WNT10A: variants seen among roughly 807,000 people sequenced by gnomAD.
WNT10A encodes the protein Wnt family member 10A.
A neutral mutation model predicts 36.1 loss-of-function variants in WNT10A; 37 were observed. That is an observed-to-expected ratio of 1.02 (90% confidence interval 0.79 to 1.35). WNT10A has a LOEUF of 1.35. Ranked by LOEUF, WNT10A falls within the 40% of genes most tolerant of loss-of-function variation. The pLI, the probability that WNT10A is intolerant of heterozygous loss-of-function variation, is 0.00. For missense variants in WNT10A, 613 were observed against 601.4 expected (o/e 1.02, Z -0.20); for synonymous variants, 255 against 254.1 (o/e 1.00, Z -0.03).
At chr2:218,877,373 G>C (rs1944461001), upstream of WNT10A, among the ~76,000 whole-genome samples, 1 of 152,314 alleles carries the variant, frequency 6.6e-6, no homozygotes, top group Admixed American at 6.5e-5. The surrounding 1 kb of genome is among the most constrained non-coding windows in gnomAD (Gnocchi z 4.1). Flanking sequence ...TGAAGGGTGG[G>C]AGTGATTACC....
At position 218,892,909 on chromosome 2, in the gene WNT10A, A is replaced by G; in HGVS notation, c.892A>G (p.Thr298Ala). 1 of 1,528,264 alleles carries G rather than the reference A, an allele frequency of 6.5e-7. No homozygotes were observed. Among genetic ancestry groups the G allele is most frequent in the Non-Finnish European group, 8.8e-7 (1 of 1,140,832 alleles). The allele number at this position is 1,528,264 out of a possible 1,614,324, so 94.7% of individuals were successfully genotyped here. ...GCTGCGCAGCCGCTTCCACCGCGCC[A>G]CGCTCATCCGGCCGCACAACCGCAA... ...ALLRSRFHRA[T>A]LIRPHNRNGG... The change falls in exon 4 of 4, where the codon ACG (threonine) becomes GCG (alanine). Residue 298 changes from threonine (T) to alanine (A), a missense_variant. Coordinates refer to ENST00000258411, the MANE Select transcript of WNT10A (RefSeq NM_025216.3).
chr2:218,881,055 A>G lies in WNT10A; in HGVS notation c.60A>G (p.Pro20=). Residue 20 remains proline, a synonymous_variant, in exon 1 of 4, where the codon CCA becomes CCG. Transcript: ENST00000258411. ...TCCGACCCCAGCCCCAGCCGCGGCC[A>G]GCGCTCTGGGTGCTCCTGTTCTTCC... is the stretch of plus-strand genomic sequence containing the variant. ...LRLRPQPQPR[P]ALWVLLFFLL... 6.2e-7 allele frequency: 1 copy of G among 1,604,818 alleles called. No individual in the cohort carries two copies. The highest frequency in any genetic ancestry group is 8.5e-7 in the Non-Finnish European group (1 of 1,176,084).
At chr2:218,891,224 G>T (rs530587050) in intron 3 of WNT10A, among the ~76,000 whole-genome samples, 1 of 152,296 alleles carries the variant, frequency 6.6e-6, no homozygotes, top group South Asian at 2.1e-4. Flanking sequence ...CCAGGCAGTT[G>T]ACCTTTGAGC....
chr2:218,880,905 ACC>A lies in WNT10A; in HGVS notation c.-86_-85del. On this transcript the variant is annotated 5_prime_UTR_variant, in exon 1 of 4. Transcript: ENST00000258411. The surrounding 1 kb of genome is among the most constrained non-coding windows in gnomAD (Gnocchi z 7.7). The stretch of plus-strand genomic sequence containing the variant: ...GGAGCTGTGTGTCGCAGCCGCCCCG[ACC>A]CCCCGCCGATCATGCGCCGGCGCCC... 7.0e-7 allele frequency: 1 copy of A among 1,422,570 alleles called. No individual in the cohort carries two copies. Among genetic ancestry groups the A allele is most frequent in the Non-Finnish European group, 9.2e-7 (1 of 1,084,844 alleles). 88.1% of individuals were successfully genotyped at this position (1,422,570 alleles called of 1,614,324 possible).
At chr2:218,892,196 C>T (rs1447464589) in intron 3 of WNT10A, among the ~76,000 whole-genome samples, 1 of 151,978 alleles carries the variant, frequency 6.6e-6, no homozygotes, top group Non-Finnish European at 1.5e-5. Flanking sequence ...CACTTGTCCC[C>T]CTCCTTTGGC....
Position 218,893,230 on chromosome 2 carries a change from G to T in WNT10A, c.1213G>T (p.Glu405Ter). 6.4e-7 allele frequency: 1 copy of T among 1,565,590 alleles called. No homozygotes were observed. The highest frequency in any genetic ancestry group is 2.3e-5 in the East Asian group (1 of 43,418). The change falls in exon 4 of 4, where the codon GAA becomes TAA. Residue 405 changes from glutamate to a stop codon, truncating the protein, a stop_gained. Coordinates refer to ENST00000258411, the MANE Select transcript of WNT10A (RefSeq NM_025216.3). LOFTEE classifies it high-confidence loss of function. The surrounding 1 kb of genome is among the most constrained non-coding windows in gnomAD (Gnocchi z 6.3). Reference protein sequence around the residue: ...RFHWCCFVVCEECRITEWVSV... With the variant: ...RFHWCCFVVC ...CCACTGGTGCTGTTTCGTGGTCTGC[G>T]AAGAGTGCCGCATCACCGAGTGGGT...
upstream of WNT10A, among the ~76,000 whole-genome samples, chr2:218,878,624 T>TTC (rs1944474188): frequency 6.6e-6 from 1 of 151,950 alleles, no homozygotes. This position sits in a 1 kb window ranked among gnomAD's most constrained non-coding sequence, Gnocchi z 4.1. Context: ...GAAAGGCTGA[T>TTC]TCAACTTCAT....
Position 218,882,281 on chromosome 2 carries a change from C to G in WNT10A, c.234C>G (p.His78Gln), listed in dbSNP as rs199802454. Residue 78 changes from histidine (H) to glutamine (Q), a missense_variant, in exon 2 of 4, where the codon CAC becomes CAG. Coordinates refer to ENST00000258411, the MANE Select transcript of WNT10A (RefSeq NM_025216.3). ...SRRQMEVCVRHPDVAASAIQG... is the reference protein window; with the variant it reads ...SRRQMEVCVRQPDVAASAIQG... Reference sequence around the variant, plus strand: ...GGCAGATGGAGGTGTGTGTGCGTCACCCTGATGTGGCTGCCTCAGCCATAC... The same window carrying G: ...GGCAGATGGAGGTGTGTGTGCGTCAGCCTGATGTGGCTGCCTCAGCCATAC... 4 of 1,614,068 alleles carry G rather than the reference C, an allele frequency of 2.5e-6. No individual in the cohort carries two copies. Among genetic ancestry groups the G allele is most frequent in the Non-Finnish European group, 3.4e-6 (4 of 1,180,038 alleles).
intron 2 of WNT10A, among the ~76,000 whole-genome samples, chr2:218,886,245 C>T (rs189658113): frequency 2.5e-4 from 38 of 152,308 alleles, no homozygotes; most frequent in Admixed American, 1.4e-3. Context: ...AACACCTACT[C>T]CTGTTTTTGC....
chr2:218,881,078 TC>T lies in WNT10A; in HGVS notation c.85del (p.Leu29TyrfsTer34), dbSNP rs781237311. 6.2e-7 allele frequency: 1 copy of T among 1,605,300 alleles called. No homozygotes were observed. On this transcript the variant is annotated frameshift_variant, in exon 1 of 4. Transcript: ENST00000258411. LOFTEE classifies it high-confidence loss of function. ...CCAGCGCTCTGGGTGCTCCTGTTCT[TC>T]CTACTGCTGCTGGCTGCTGCCATGC... ...PRPALWVLLF[F>X]LLLLAAAMPR...
In WNT10A at chr2:218,893,206, C is replaced by A; in HGVS notation, c.1189C>A (p.His397Asn). 1 of 1,576,420 alleles carries A rather than the reference C, an allele frequency of 6.3e-7. No individual in the cohort carries two copies. Among genetic ancestry groups the A allele is most frequent in the Non-Finnish European group, 8.6e-7 (1 of 1,167,632 alleles). The change falls in exon 4 of 4, where the codon CAC (histidine) becomes AAC (asparagine). Residue 397 changes from histidine (H) to asparagine (N), a missense_variant. By Grantham distance (68) the His-to-Asn change is moderately conservative. Coordinates refer to ENST00000258411, the MANE Select transcript of WNT10A (RefSeq NM_025216.3). The surrounding 1 kb of genome is among the most constrained non-coding windows in gnomAD (Gnocchi z 6.3). ...TRSERCHCRF[H>N]WCCFVVCEEC... The stretch of plus-strand genomic sequence containing the variant: ...CAGCGAGCGCTGCCACTGCCGCTTC[C>A]ACTGGTGCTGTTTCGTGGTCTGCGA...
intron 2 of WNT10A, 144 bp downstream of exon 2, chr2:218,882,567 C>T (rs1298354265): frequency 8.7e-7 from 1 of 1,144,476 alleles, no homozygotes; most frequent in Non-Finnish European, 1.3e-6. Context: ...TGCTCTCCTT[C>T]CTCTTTCTGA....
intron 2 of WNT10A, among the ~76,000 whole-genome samples, chr2:218,888,769 A>C (rs1000062194): frequency 5.3e-5 from 8 of 152,196 alleles, no homozygotes; most frequent in African/African-American, 1.9e-4. Context: ...CCAGCAGGCT[A>C]TCTTGGGGCA....
chr2:218,891,746 G>C (rs1944653276), intron 3 of WNT10A, among the ~76,000 whole-genome samples: 1 of 152,216 alleles, frequency 6.6e-6, no homozygotes, highest in South Asian at 2.1e-4. Flanking sequence ...GGCTGCGCAT[G>C]CACGCTGTGG....
upstream of WNT10A, among the ~76,000 whole-genome samples, chr2:218,880,142 TC>T (rs1239231873): frequency 2.6e-5 from 4 of 152,048 alleles, no homozygotes; most frequent in African/African-American, 9.7e-5. The surrounding 1 kb of genome is among the most constrained non-coding windows in gnomAD (Gnocchi z 7.7). Flanking sequence ...GGGAAGTCCC[TC>T]CTCTGGCGGA....
chr2:218,882,106 G>A (rs1011080337), intron 1 of WNT10A, 55 bp from the exon 2 acceptor site: 3 of 1,582,648 alleles, frequency 1.9e-6, no homozygotes, highest in African/African-American at 2.7e-5. Flanking sequence ...GTTGTTAGAT[G>A]GGGCTCTCCT....
chr2:218,887,326 A>G (rs568752972), intron 2 of WNT10A, among the ~76,000 whole-genome samples: 5 of 152,164 alleles, frequency 3.3e-5, no homozygotes, highest in African/African-American at 1.2e-4. Context: ...AGGTCTGAGT[A>G]TTGCCATTGT....
chr2:218,893,211 G>T lies in WNT10A; in HGVS notation c.1194G>T (p.Trp398Cys). The change falls in exon 4 of 4, where the codon TGG (tryptophan) becomes TGT (cysteine). Residue 398 changes from tryptophan to cysteine, a missense_variant. Physicochemically the swap from Trp to Cys is radical, Grantham distance 215. Transcript: ENST00000258411. The surrounding 1 kb of genome is among the most constrained non-coding windows in gnomAD (Gnocchi z 6.3). ...RSERCHCRFH[W>C]CCFVVCEECR... is the part of the protein sequence containing the mutation. ...AGCGCTGCCACTGCCGCTTCCACTG[G>T]TGCTGTTTCGTGGTCTGCGAAGAGT... The T allele has an allele frequency of 6.4e-7, 1 of 1,573,814 alleles. No individual in the cohort carries two copies. Among genetic ancestry groups the T allele is most frequent in the Non-Finnish European group, 8.6e-7 (1 of 1,166,236 alleles).
chr2:218,880,482 GC>G (rs63111460), upstream of WNT10A: 129,058 of 147,986 alleles, frequency 0.87, 56,169 homozygotes, highest in South Asian at 0.95. This position sits in a 1 kb window ranked among gnomAD's most constrained non-coding sequence, Gnocchi z 7.7. Flanking sequence ...ACACTAAATG[GC>G]GGGGGGGTGG....
Sources: allele counts gnomAD v4.1 joint callset (sites outside exome capture counted in the v4.1 genomes callset), GRCh38; gene constraint gnomAD v4.1.1; non-coding constraint Gnocchi (gnomAD v3.1); transcripts MANE v1.5; gene names NCBI Gene and HGNC (gene_info 2026-07-23, HGNC 2026-07-21).